Variants in PDE1C observed in about 807,000 individuals in gnomAD.
PDE1C encodes the protein dual specificity calcium/calmodulin-dependent 3',5'-cyclic nucleotide phosphodiesterase 1C.
In PDE1C, 62 loss-of-function variants were observed where a neutral mutation model predicts 93.1. The ratio of observed to expected loss-of-function variants is 0.67; its 90% CI spans 0.54 to 0.82. PDE1C has a LOEUF of 0.82. PDE1C is among the 40% of genes least tolerant of loss of function. PDE1C has a pLI of 0.00. For synonymous variants in PDE1C, 325 were observed against 310.1 expected (o/e 1.05, Z -0.50); for missense variants, 742 against 884.6 (o/e 0.84, Z 2.04).
intron 1 of PDE1C, among the ~76,000 whole-genome samples, chr7:32,383,515 G>A (rs1784570297): frequency 6.6e-6 from 1 of 152,228 alleles, no homozygotes; most frequent in Non-Finnish European, 1.5e-5. Context: ...ATCTCACACA[G>A]CAGGAACCAA....
the PDE1C span, among the ~76,000 whole-genome samples, chr7:31,626,101 C>G: frequency 6.6e-6 from 1 of 152,138 alleles, no homozygotes; most frequent in African/African-American, 2.4e-5. Flanking sequence ...GGGTTGTAAA[C>G]TTGGCAAAAA....
At chr7:31,903,893 A>C (rs982657883) in intron 2 of PDE1C, among the ~76,000 whole-genome samples, 45 of 152,170 alleles carry the variant, frequency 3.0e-4, no homozygotes, top group African/African-American at 1.0e-3. Context: ...CTTATTTAAT[A>C]ATCAGTTCTT....
intron 14 of PDE1C, among the ~76,000 whole-genome samples, chr7:31,821,190 A>G (rs1282825523): frequency 6.6e-6 from 1 of 152,168 alleles, no homozygotes; most frequent in Non-Finnish European, 1.5e-5. Context: ...AGTCTGCTAC[A>G]TGATGCCTTC....
chr7:31,860,430 A>G (rs1202038719), intron 7 of PDE1C, among the ~76,000 whole-genome samples: 1 of 152,154 alleles, frequency 6.6e-6, no homozygotes, highest in Non-Finnish European at 1.5e-5. Flanking sequence ...CACTTTCAAC[A>G]TTTTTACCCA....
the PDE1C span, among the ~76,000 whole-genome samples, chr7:31,690,813 A>G: frequency 6.6e-6 from 1 of 152,174 alleles, no homozygotes; most frequent in Non-Finnish European, 1.5e-5. Flanking sequence ...TAAGTGTTTT[A>G]CTAATGGTAT....
chr7:31,847,925 T>G, intron 9 of PDE1C, 43 bp downstream of exon 9: 1 of 1,607,296 alleles, frequency 6.2e-7, no homozygotes, highest in Non-Finnish European at 8.5e-7. Flanking sequence ...AACTTCAAAG[T>G]TCCTTCCCTG....
chr7:32,014,584 C>T (rs1396712743), intron 2 of PDE1C, among the ~76,000 whole-genome samples: 1 of 152,154 alleles, frequency 6.6e-6, no homozygotes, highest in East Asian at 1.9e-4. Flanking sequence ...TTCAGCCCCG[C>T]ATGCATTAGG....
chr7:32,127,854 G>A (rs1799674469), intron 3 of PDE1C, among the ~76,000 whole-genome samples: 1 of 151,934 alleles, frequency 6.6e-6, no homozygotes, highest in Non-Finnish European at 1.5e-5. Flanking sequence ...TTAGAAGTAT[G>A]TCAAAGATAC....
chr7:32,184,715 G>A (rs569070722), intron 2 of PDE1C, among the ~76,000 whole-genome samples: 3 of 152,268 alleles, frequency 2.0e-5, no homozygotes, highest in African/African-American at 7.2e-5. Flanking sequence ...GAGTTAATGG[G>A]TGCAGCACAC....
intron 2 of PDE1C, among the ~76,000 whole-genome samples, chr7:31,899,020 C>G (rs1200321545): frequency 6.6e-6 from 1 of 152,026 alleles, no homozygotes; most frequent in Non-Finnish European, 1.5e-5. Context: ...CTGCTCCCCT[C>G]CCTGCCTCTG....
At chr7:31,796,275 T>C (rs1215093469) in intron 16 of PDE1C, among the ~76,000 whole-genome samples, 3 of 151,452 alleles carry the variant, frequency 2.0e-5, no homozygotes, top group Non-Finnish European at 4.4e-5. Context: ...ATATCATATG[T>C]ATGATTTATG....
chr7:32,061,281 G>A (rs978234987), intron 1 of PDE1C, among the ~76,000 whole-genome samples: 26 of 152,162 alleles, frequency 1.7e-4, no homozygotes, highest in African/African-American at 4.1e-4. Flanking sequence ...ATTGAATACC[G>A]GGTCCTTGCA....
At chr7:32,309,607 A>G (rs62457529) in intron 1 of PDE1C, among the ~76,000 whole-genome samples, 15,163 of 152,280 alleles carry the variant, frequency 0.1, 816 homozygotes, top group African/African-American at 0.12. Flanking sequence ...ACATTCTTAT[A>G]GAAAAGAATT....
In PDE1C at chr7:31,965,713, G is replaced by T. The variant is rs561746377; in HGVS notation, c.129-84853C>A. Among the ~76,000 whole-genome samples, 4 of 152,286 alleles carry T rather than the reference G, an allele frequency of 2.6e-5. No individual in the cohort carries two copies. The South Asian group carries it at 8.3e-4, about 32-fold the overall frequency. ...ATGTTAAGGGCAGCCAGAGAGAAAG[G>T]TCGGGTTACCCACAAAGGGAAGCCC... On this transcript the variant is annotated intron_variant, in intron 2 of 17. Transcript: ENST00000396191.
intron 2 of PDE1C, among the ~76,000 whole-genome samples, chr7:32,005,555 C>CAAAAAAAAAAAAAAAA (rs59246166): frequency 3.7e-4 from 19 of 50,752 alleles, no homozygotes; most frequent in Non-Finnish European, 6.0e-4. Context: ...GACTCCATTT[C>CAAAAAAAAAAAAAAAA]AAAAAAAAAA....
intron 16 of PDE1C, among the ~76,000 whole-genome samples, chr7:31,803,582 G>A (rs1371153885): frequency 1.3e-5 from 2 of 151,736 alleles, no homozygotes; most frequent in Non-Finnish European, 2.9e-5. Context: ...GGTGTGTGAT[G>A]TTCCCCTTCC....
In PDE1C at chr7:31,886,001, G is replaced by A. The variant is rs566531337; in HGVS notation, c.129-5141C>T. Among the ~76,000 whole-genome samples the A allele has an allele frequency of 2.0e-5, 3 of 152,288 alleles. No individual in the cohort carries two copies. In the East Asian group the frequency reaches 5.8e-4, roughly 29 times the overall value. ...TCTGCCCAAGGTTATTCCCTCTGAG[G>A]ATGGGGGGGCAGCTCCTAAAATGCC... On this transcript the variant is annotated intron_variant, in intron 2 of 17. Transcript: ENST00000396191.
intron 1 of PDE1C, among the ~76,000 whole-genome samples, chr7:32,401,862 C>A (rs981064423): frequency 1.8e-4 from 27 of 152,186 alleles, no homozygotes; most frequent in African/African-American, 5.8e-4. Context: ...AGAATATGGG[C>A]TTCAGTTTGA....
chr7:31,665,402 A>G, the PDE1C span, among the ~76,000 whole-genome samples: 10 of 152,170 alleles, frequency 6.6e-5, no homozygotes, highest in Admixed American at 2.0e-4. Flanking sequence ...CTCCTACTGA[A>G]ATGTCAGCCT....
Sources: allele counts gnomAD v4.1 joint callset (sites outside exome capture counted in the v4.1 genomes callset), GRCh38; gene constraint gnomAD v4.1.1; transcripts MANE v1.5; gene names NCBI Gene and HGNC (gene_info 2026-07-23, HGNC 2026-07-21).